CCL28: variants seen among roughly 807,000 people sequenced by gnomAD.
CCL28 encodes the protein C-C motif chemokine ligand 28.
In CCL28, 4 loss-of-function variants were observed where a neutral mutation model predicts 7.1. The observed-to-expected ratio is 0.56, with a 90% CI of 0.28 to 1.29. The LOEUF (loss-of-function observed/expected upper bound fraction) is 1.29. Among genes scored for constraint, CCL28 ranks in the 50% most tolerant of loss-of-function variants. CCL28 has a pLI of 0.11. For synonymous variants in CCL28, 55 were observed against 57.8 expected (o/e 0.95, Z 0.22); for missense variants, 151 against 163.4 (o/e 0.92, Z 0.41).
chr5:43,360,501 T>TATA, the CCL28 span, among the ~76,000 whole-genome samples: 1 of 152,198 alleles, frequency 6.6e-6, no homozygotes, highest in Non-Finnish European at 1.5e-5. Flanking sequence ...AGCTCCCACT[T>TATA]ATACGTGAGA....
At chr5:43,360,281 T>A in the CCL28 span, among the ~76,000 whole-genome samples, 1 of 152,122 alleles carries the variant, frequency 6.6e-6, no homozygotes, top group East Asian at 1.9e-4. Context: ...ATCACATGAT[T>A]TTTTGGGGAC....
In CCL28 at chr5:43,381,898, C is replaced by T; in HGVS notation, c.346G>A (p.Gly116Arg). 6.2e-7 allele frequency: 1 copy of T among 1,614,040 alleles called. No individual in the cohort carries two copies. Among genetic ancestry groups the T allele is most frequent in the South Asian group, 1.1e-5 (1 of 91,058 alleles). Residue 116 changes from glycine to arginine, a missense_variant, in exon 3 of 3, where the codon GGG (glycine) becomes AGG (arginine). Coordinates refer to ENST00000361115, the MANE Select transcript of CCL28 (RefSeq NM_148672.3). ...GKRNSNRAHQ[G>R]KHETYGHKTP... ...TTATGGCCGTATGTTTCGTGTTTCC[C>T]CTGATGTGCCCTGTTACTGTTCCTC...
chr5:43,375,862 C>T (rs1224222733), downstream of CCL28, among the ~76,000 whole-genome samples: 3 of 151,878 alleles, frequency 2.0e-5, no homozygotes, highest in Non-Finnish European at 4.4e-5. Flanking sequence ...GGGCGGACCC[C>T]GTCTCTACCA....
chr5:43,376,743 A>C (rs1476446879), downstream of CCL28: 1 of 152,216 alleles, frequency 6.6e-6, no homozygotes, highest in African/African-American at 2.4e-5. Flanking sequence ...TCTGGGAGGC[A>C]AGGGGCTGGA....
At chr5:43,365,087 C>T in the CCL28 span, among the ~76,000 whole-genome samples, 1 of 151,200 alleles carries the variant, frequency 6.6e-6, no homozygotes, top group African/African-American at 2.4e-5. Flanking sequence ...TTACTGCAAC[C>T]TCTGACTCCC....
At chr5:43,375,774 GTCTCTATCAAAAATA>G (rs112751845), downstream of CCL28, among the ~76,000 whole-genome samples, 4 of 151,640 alleles carry the variant, frequency 2.6e-5, no homozygotes, top group African/African-American at 9.7e-5. Context: ...GGCGGACCCC[GTCTCTATCAAAAATA>G]TAAAAAATTA....
chr5:43,374,856 T>C (rs1579713167), downstream of CCL28, among the ~76,000 whole-genome samples: 3 of 151,986 alleles, frequency 2.0e-5, no homozygotes, highest in Non-Finnish European at 2.9e-5. Context: ...TTTGTCCTCC[T>C]CTCATTCTCT....
chr5:43,370,206 T>C, the CCL28 span, among the ~76,000 whole-genome samples: 1 of 152,234 alleles, frequency 6.6e-6, no homozygotes, highest in African/African-American at 2.4e-5. Flanking sequence ...ACTGTTGTTT[T>C]AAAGCACTAA....
chr5:43,359,119 A>T, the CCL28 span, among the ~76,000 whole-genome samples: 1 of 152,226 alleles, frequency 6.6e-6, no homozygotes, highest in South Asian at 2.1e-4. Flanking sequence ...ATGTAGGTAT[A>T]GCTAAATGAT....
At chr5:43,369,036 A>AAGAG in the CCL28 span, among the ~76,000 whole-genome samples, 480 of 104,478 alleles carry the variant, frequency 4.6e-3, 8 homozygotes, top group Non-Finnish European at 5.4e-3. Context: ...GAAAGAGAGA[A>AAGAG]AGAGAGAGAG....
the CCL28 span, among the ~76,000 whole-genome samples, chr5:43,360,505 C>T: frequency 1.6e-4 from 24 of 152,136 alleles, no homozygotes; most frequent in Admixed American, 1.0e-3. Context: ...CCCACTTATA[C>T]GTGAGAACAT....
chr5:43,386,672 A>C (rs1740348481), intron 2 of CCL28, among the ~76,000 whole-genome samples: 2 of 152,248 alleles, frequency 1.3e-5, no homozygotes, highest in South Asian at 4.1e-4. Flanking sequence ...CAAAAATTTC[A>C]GGAAGTTCAC....
At chr5:43,391,066 G>C in intron 1 of CCL28, among the ~76,000 whole-genome samples, 1 of 152,196 alleles carries the variant, frequency 6.6e-6, no homozygotes, top group East Asian at 1.9e-4. Context: ...AAAGAAAGTA[G>C]GGGGAAAACA....
chr5:43,393,441 A>AC (rs1365579924), intron 1 of CCL28, among the ~76,000 whole-genome samples: 1 of 150,476 alleles, frequency 6.6e-6, no homozygotes, highest in Non-Finnish European at 1.5e-5. Context: ...TGCAACCTCC[A>AC]CCTCCTGGGT....
downstream of CCL28, among the ~76,000 whole-genome samples, chr5:43,374,151 CT>C (rs1739838738): frequency 6.6e-6 from 1 of 152,150 alleles, no homozygotes; most frequent in African/African-American, 2.4e-5. Flanking sequence ...TGTCACTTGC[CT>C]ACATATATTT....
downstream of CCL28, among the ~76,000 whole-genome samples, chr5:43,378,129 G>C (rs182769832): frequency 0.012 from 1,894 of 152,264 alleles, 35 homozygotes; most frequent in East Asian, 0.083. Context: ...GATCGCTTAA[G>C]CCCAGGAGTT....
At chr5:43,404,932 AG>A (rs1179892065) in intron 1 of CCL28, among the ~76,000 whole-genome samples, 15 of 152,372 alleles carry the variant, frequency 9.8e-5, no homozygotes, top group Middle Eastern at 3.4e-3. Context: ...ATAACGGTAA[AG>A]GTATCAATTC....
At chr5:43,361,402 T>A in the CCL28 span, among the ~76,000 whole-genome samples, 4 of 152,232 alleles carry the variant, frequency 2.6e-5, no homozygotes, top group Non-Finnish European at 5.9e-5. Context: ...CTTTGTTGGA[T>A]GCATAGTTTG....
At chr5:43,408,249 T>A (rs1019488831) in intron 1 of CCL28, among the ~76,000 whole-genome samples, 2 of 152,172 alleles carry the variant, frequency 1.3e-5, no homozygotes, top group African/African-American at 4.8e-5. Context: ...CACATGTCCA[T>A]CAATGATAGA....
Sources: gnomAD v4.1 joint callset for allele counts (sites outside exome capture counted in the v4.1 genomes callset) on GRCh38, gnomAD v4.1.1 for gene constraint, MANE v1.5 for transcripts, NCBI Gene and HGNC (gene_info 2026-07-23, HGNC 2026-07-21) for gene names.